The following ZBTB43 variants were observed in gnomAD, a reference collection of about 807,000 sequenced individuals.
ZBTB43 encodes zinc finger and BTB domain-containing protein 43.
Under a neutral mutation model 31.1 loss-of-function variants are expected in ZBTB43, and 6 were observed. That is an observed-to-expected ratio of 0.19 (90% CI 0.11 to 0.38). The LOEUF is 0.38. Ranked by LOEUF, ZBTB43 falls within the 10% of genes least tolerant of loss-of-function variation. The probability of loss-of-function intolerance (pLI) is 1.00; values close to 1 mark genes in which losing one functional copy is unlikely to be tolerated. For missense variants in ZBTB43, 379 were observed against 602.1 expected, an observed-to-expected ratio of 0.63 and a Z score of 3.88; for synonymous variants, 212 against 221.7, an observed-to-expected ratio of 0.96 and a Z score of 0.39.
intron 2 of ZBTB43, among the ~76,000 whole-genome samples, chr9:126,828,654 A>AATTATTATTATT (rs59664603): frequency 2.3e-4 from 29 of 127,726 alleles, no homozygotes; most frequent in African/African-American, 8.8e-4. Context: ...TAATAATAAT[A>AATTATTATTATT]ATTATTATTA....
chr9:126,822,337 G>A (rs2032531359), intron 2 of ZBTB43, among the ~76,000 whole-genome samples: 1 of 152,178 alleles, frequency 6.6e-6, no homozygotes, highest in Non-Finnish European at 1.5e-5. Context: ...TGACTCAAAT[G>A]TTGTGAAAGA....
Position 126,837,925 on chromosome 9 carries a change from T to C in ZBTB43, c.*4012T>C, listed in dbSNP as rs1433342798. ...TTCCTTTTGTGAGGTTCCCAATGTT[T>C]CGTCCAGAAAAGTACTTTATTTATG... On this transcript the variant is annotated 3_prime_UTR_variant, in exon 3 of 3. Transcript: ENST00000373464. The C allele has an allele frequency of 6.0e-6, 1 of 166,988 alleles. No individual in the cohort carries two copies. Among genetic ancestry groups the C allele is most frequent in the Non-Finnish European group, 1.5e-5 (1 of 68,110 alleles). 10.3% of individuals were successfully genotyped at this position (166,988 alleles called of 1,614,324 possible). A position where few individuals can be genotyped will look rare whatever the true frequency, so the allele number is the denominator to read the frequency against.
chr9:126,828,651 A>ATTATTATT lies in ZBTB43; in HGVS notation c.-23-3836_-23-3835insTTATTATT, dbSNP rs1554742734. Reference sequence around the variant, plus strand: ...TCTAAATAATAATAATAATAATAATAATAATTATTATTATTATTATTATTA... The same window carrying ATTATTATT: ...TCTAAATAATAATAATAATAATAATATTATTATTATAATTATTATTATTATTATTATTA... On this transcript the variant is annotated intron_variant, in intron 2 of 2. Coordinates refer to ENST00000373464, the MANE Select transcript of ZBTB43 (RefSeq NM_014007.4). Among the ~76,000 whole-genome samples, 420 of 126,464 alleles carry ATTATTATT rather than the reference A, an allele frequency of 3.3e-3. 2 individuals are homozygous for ATTATTATT. The highest frequency in any genetic ancestry group is 0.012 in the African/African-American group (380 of 32,812). 83.0% of individuals were successfully genotyped at this position (126,464 alleles called of 152,430 possible). A position where few individuals can be genotyped will look rare whatever the true frequency, so the allele number is the denominator to read the frequency against.
At chr9:126,822,864 C>T (rs935184508) in intron 2 of ZBTB43, among the ~76,000 whole-genome samples, 1 of 152,158 alleles carries the variant, frequency 6.6e-6, no homozygotes, top group Non-Finnish European at 1.5e-5. Context: ...TTACAACTGG[C>T]TGAAGGCTCA....
intron 2 of ZBTB43, among the ~76,000 whole-genome samples, chr9:126,812,511 T>C (rs1404954513): frequency 6.6e-6 from 1 of 152,230 alleles, no homozygotes; most frequent in Non-Finnish European, 1.5e-5. Flanking sequence ...ACAGTAGCTG[T>C]ACCATTTTAC....
chr9:126,818,183 T>A (rs1416688213), intron 2 of ZBTB43, among the ~76,000 whole-genome samples: 1 of 150,212 alleles, frequency 6.7e-6, no homozygotes, highest in Non-Finnish European at 1.5e-5. Flanking sequence ...ACTACACTGG[T>A]GGGATCACAG....
rs1290552677 is a variant in ZBTB43, at chr9:126,835,942, T to C, written c.*2029T>C. On this transcript the variant is annotated 3_prime_UTR_variant, in exon 3 of 3. Coordinates refer to ENST00000373464, the MANE Select transcript of ZBTB43 (RefSeq NM_014007.4). The stretch of plus-strand genomic sequence containing the variant: ...GTTTTAGGTATGATCCTAGCCATTA[T>C]ATTTGAGGAGAAATTGTTCTATTAC... The C allele has an allele frequency of 6.0e-6, 1 of 167,068 alleles. No individual in the cohort carries two copies. Among genetic ancestry groups the C allele is most frequent in the African/African-American group, 2.4e-5 (1 of 41,448 alleles). 10.3% of individuals were successfully genotyped at this position (167,068 alleles called of 1,614,324 possible).
chr9:126,826,366 C>T (rs1198750812), intron 2 of ZBTB43, among the ~76,000 whole-genome samples: 3 of 149,828 alleles, frequency 2.0e-5, no homozygotes, highest in African/African-American at 4.9e-5. Flanking sequence ...AGGCTGGTCT[C>T]GAACTCCTGA....
intron 2 of ZBTB43, chr9:126,831,666 C>T (rs925783211): frequency 6.6e-6 from 1 of 151,924 alleles, no homozygotes; most frequent in Non-Finnish European, 1.5e-5. Context: ...AAAAAACTAG[C>T]TGGGCAGCTG....
At chr9:126,831,813 C>T (rs891151125) in intron 2 of ZBTB43, 2 of 151,610 alleles carry the variant, frequency 1.3e-5, no homozygotes, top group African/African-American at 4.8e-5. Flanking sequence ...AAAAAATTAA[C>T]CAGGTGTAGT....
At chr9:126,818,818 G>C (rs568191531) in intron 2 of ZBTB43, among the ~76,000 whole-genome samples, 1 of 152,260 alleles carries the variant, frequency 6.6e-6, no homozygotes, top group East Asian at 1.9e-4. Context: ...TTGGTCTATA[G>C]TTTTTGTATA....
chr9:126,823,725 A>G (rs1280189504), intron 2 of ZBTB43, among the ~76,000 whole-genome samples: 1 of 152,234 alleles, frequency 6.6e-6, no homozygotes, highest in African/African-American at 2.4e-5. Context: ...TTTGTTTGGC[A>G]GTAAACCATT....
intron 2 of ZBTB43, among the ~76,000 whole-genome samples, chr9:126,824,886 T>A (rs2032597896): frequency 6.6e-6 from 1 of 152,206 alleles, no homozygotes; most frequent in Non-Finnish European, 1.5e-5. Flanking sequence ...CTTCTGGAAC[T>A]CCCATGATAT....
chr9:126,806,244 A>C lies in ZBTB43; in HGVS notation c.-147+1112A>C, dbSNP rs145773527. On this transcript the variant is annotated intron_variant, in intron 1 of 2. Coordinates refer to ENST00000373464, the MANE Select transcript of ZBTB43 (RefSeq NM_014007.4). The stretch of plus-strand genomic sequence containing the variant: ...GGATCAGACTGAGGTCTTTGGGGCT[A>C]CTGGAACAGTAGCAGGGTTTCTGGG... Among the ~76,000 whole-genome samples, 646 of 152,336 alleles carry C rather than the reference A, an allele frequency of 4.2e-3. 5 individuals carry two copies. The highest frequency in any genetic ancestry group is 0.015 in the African/African-American group (623 of 41,574).
chr9:126,830,854 AC>A (rs1403651218), intron 2 of ZBTB43, among the ~76,000 whole-genome samples: 1 of 151,652 alleles, frequency 6.6e-6, no homozygotes, highest in African/African-American at 2.4e-5. Context: ...TGCTTGACTT[AC>A]CCCACAGAAT....
chr9:126,809,283 AC>A (rs1201682244), intron 2 of ZBTB43, among the ~76,000 whole-genome samples: 1 of 152,234 alleles, frequency 6.6e-6, no homozygotes, highest in African/African-American at 2.4e-5. Context: ...ATGCAATGAT[AC>A]GGGAGTGTTG....
chr9:126,810,510 T>TC (rs1220522280), intron 2 of ZBTB43, among the ~76,000 whole-genome samples: 1 of 145,426 alleles, frequency 6.9e-6, no homozygotes, highest in African/African-American at 2.5e-5. Flanking sequence ...TTTTTTTTTT[T>TC]TTTTTTTTTG....
intron 2 of ZBTB43, among the ~76,000 whole-genome samples, chr9:126,816,403 G>A (rs1374496772): frequency 1.3e-5 from 2 of 151,726 alleles, no homozygotes; most frequent in East Asian, 3.9e-4. Flanking sequence ...CTACTGTTTT[G>A]TCTCATCTTC....
chr9:126,826,509 G>A (rs1016552421), intron 2 of ZBTB43, among the ~76,000 whole-genome samples: 4 of 112,298 alleles, frequency 3.6e-5, no homozygotes, highest in Non-Finnish European at 6.8e-5. Flanking sequence ...TGTTTCCCAG[G>A]CTGGAGTGCA....
Sources: gnomAD v4.1 joint callset for allele counts (sites outside exome capture counted in the v4.1 genomes callset) on GRCh38, gnomAD v4.1.1 for gene constraint, MANE v1.5 for transcripts, NCBI Gene and HGNC (gene_info 2026-07-23, HGNC 2026-07-21) for gene names.